Variants in LAMA2 observed in about 807,000 individuals in gnomAD.
LAMA2 encodes the protein laminin subunit alpha 2, also known as laminin subunit alpha-2.
LAMA2 carries 269 observed loss-of-function variants against 364.8 expected under a neutral mutation model. The observed-to-expected ratio is 0.74, with a 90% CI of 0.67 to 0.82. LAMA2 has a LOEUF of 0.82. Ranked by LOEUF, LAMA2 falls within the 40% of genes least tolerant of loss-of-function variation. The probability of loss-of-function intolerance (pLI) is 0.00; values close to 1 mark genes in which losing one functional copy is unlikely to be tolerated. For missense variants in LAMA2, 3,807 were observed against 3,873.2 expected (o/e 0.98, Z 0.45); for synonymous variants, 1,379 against 1,370.6 (o/e 1.01, Z -0.14).
intron 1 of LAMA2, among the ~76,000 whole-genome samples, chr6:128,904,900 T>C (rs1777325268): frequency 6.6e-6 from 1 of 152,212 alleles, no homozygotes; most frequent in Non-Finnish European, 1.5e-5. Context: ...TTAGACTTCT[T>C]GTGTATGTGT....
chr6:129,011,890 T>C (rs1029317251), intron 1 of LAMA2, among the ~76,000 whole-genome samples: 3 of 152,218 alleles, frequency 2.0e-5, no homozygotes, highest in African/African-American at 7.2e-5. Flanking sequence ...CCTATGTTTT[T>C]GATAAGTTTT....
intron 1 of LAMA2, among the ~76,000 whole-genome samples, chr6:128,971,656 A>G (rs1269797750): frequency 6.6e-6 from 1 of 152,204 alleles, no homozygotes; most frequent in Non-Finnish European, 1.5e-5. Flanking sequence ...GAAGATATCT[A>G]TGAGATGGTA....
At chr6:129,116,088 G>T (rs1776463278) in intron 4 of LAMA2, among the ~76,000 whole-genome samples, 1 of 152,032 alleles carries the variant, frequency 6.6e-6, no homozygotes, top group Admixed American at 6.6e-5. Flanking sequence ...GGAGGAAAAG[G>T]AAGAAACTAA....
chr6:129,499,579 C>G (rs1489155403), intron 58 of LAMA2, among the ~76,000 whole-genome samples: 1 of 152,100 alleles, frequency 6.6e-6, no homozygotes, highest in Admixed American at 6.5e-5. Flanking sequence ...CACTTGTTCC[C>G]CCTTTAAAAT....
At position 129,440,817 on chromosome 6, in the gene LAMA2, T is replaced by C. The variant is rs760634116; in HGVS notation, c.6087T>C (p.Asp2029=). ...TLGKLSAIPN[D]TAAKLQAVKD... ...TTTCATACCCTCATCTGCTGACAGA[T>C]ACAGCTGCTAAACTGCAAGCTGTTA... is the stretch of plus-strand genomic sequence containing the variant. Residue 2029 remains aspartate (D), a splice_region_variant and synonymous_variant, in exon 43 of 65, where the codon GAT becomes GAC. Coordinates refer to ENST00000421865, the MANE Select transcript of LAMA2 (RefSeq NM_000426.4). 6.2e-7 allele frequency: 1 copy of C among 1,613,546 alleles called. No individual in the cohort carries two copies. The highest frequency in any genetic ancestry group is 1.1e-5 in the South Asian group (1 of 91,080).
intron 1 of LAMA2, among the ~76,000 whole-genome samples, chr6:129,044,673 A>G (rs1787347834): frequency 6.6e-6 from 1 of 152,058 alleles, no homozygotes. Flanking sequence ...TTGTTCAGAC[A>G]TTGTTCCTTA....
chr6:129,210,698 T>C (rs1444068459), intron 12 of LAMA2, among the ~76,000 whole-genome samples: 1 of 152,174 alleles, frequency 6.6e-6, no homozygotes, highest in Non-Finnish European at 1.5e-5. Context: ...ACAGGGCCTG[T>C]TGGGAAGAGG....
chr6:129,449,799 CTTTTTTT>C (rs567411928), intron 45 of LAMA2, among the ~76,000 whole-genome samples: 1 of 123,178 alleles, frequency 8.1e-6, no homozygotes, highest in South Asian at 2.6e-4. Flanking sequence ...GTCTGCTACA[CTTTTTTT>C]TTTTTTTTTT....
rs56920166 is a variant in LAMA2, at chr6:129,440,964, A to G, written c.6234A>G (p.Lys2078=). Residue 2078 remains lysine (K), a synonymous_variant, in exon 43 of 65, where the codon AAA becomes AAG. Transcript: ENST00000421865. ...NYNKLADSVA[K]TNAVVKDPSK... is the part of the protein sequence containing the mutation. The stretch of plus-strand genomic sequence containing the variant: ...ATAAACTAGCAGACAGCGTCGCCAA[A>G]ACGAATGCTGTGGTTAAAGATCCTT... The G allele has an allele frequency of 2.5e-3, 4,112 of 1,613,850 alleles. 103 individuals carry two copies. The African/African-American group carries it at 0.049, about 19-fold the overall frequency.
intron 1 of LAMA2, among the ~76,000 whole-genome samples, chr6:128,920,061 C>CTT (rs1207031222): frequency 6.6e-6 from 1 of 152,174 alleles, no homozygotes; most frequent in African/African-American, 2.4e-5. Flanking sequence ...ATATCACTGT[C>CTT]TCTTTCAGTT....
chr6:129,172,671 C>G (rs1419890524), intron 9 of LAMA2, among the ~76,000 whole-genome samples: 1 of 152,246 alleles, frequency 6.6e-6, no homozygotes, highest in East Asian at 1.9e-4. Flanking sequence ...CAGAGGCAGG[C>G]AGGCCTCCTT....
At chr6:128,959,226 T>A (rs760417376) in intron 1 of LAMA2, among the ~76,000 whole-genome samples, 5 of 152,254 alleles carry the variant, frequency 3.3e-5, no homozygotes, top group Non-Finnish European at 5.9e-5. Context: ...TTCATCACAT[T>A]TGGAAATCTA....
At position 128,939,918 on chromosome 6, in the gene LAMA2, C is replaced by T. The variant is rs946462151; in HGVS notation, c.112+56561C>T. Among the ~76,000 whole-genome samples the T allele has an allele frequency of 2.0e-5, 3 of 152,076 alleles. No homozygotes were observed. In the East Asian group the frequency reaches 5.8e-4, roughly 29 times the overall value. ...AAAAACTTTCTTTCTTCTTTCTTGCCCACTCCCATCTGATCCCTTCACGGC... is the reference window on the plus strand; with the variant it reads ...AAAAACTTTCTTTCTTCTTTCTTGCTCACTCCCATCTGATCCCTTCACGGC... On this transcript the variant is annotated intron_variant, in intron 1 of 64. Coordinates refer to ENST00000421865, the MANE Select transcript of LAMA2 (RefSeq NM_000426.4).
At chr6:129,426,050 T>A (rs1021646801) in intron 40 of LAMA2, among the ~76,000 whole-genome samples, 14 of 152,288 alleles carry the variant, frequency 9.2e-5, no homozygotes, top group African/African-American at 3.4e-4. Context: ...AAATGGCCTA[T>A]ATTATCTTGA....
intron 1 of LAMA2, among the ~76,000 whole-genome samples, chr6:128,947,718 A>G (rs1021609676): frequency 6.6e-6 from 1 of 152,152 alleles, no homozygotes; most frequent in African/African-American, 2.4e-5. Flanking sequence ...TGGCTGTTAC[A>G]TATTTTTTTG....
chr6:129,510,410 G>T (rs925704120), intron 62 of LAMA2, among the ~76,000 whole-genome samples: 1 of 152,000 alleles, frequency 6.6e-6, no homozygotes, highest in Non-Finnish European at 1.5e-5. Context: ...TAAGTGAAAG[G>T]TCTCTACAAT....
intron 1 of LAMA2, among the ~76,000 whole-genome samples, chr6:128,976,680 G>A (rs1380846938): frequency 1.3e-5 from 2 of 152,162 alleles, no homozygotes; most frequent in Non-Finnish European, 2.9e-5. Flanking sequence ...AGTGAATACT[G>A]TTGACATTCC....
At chr6:129,237,405 C>T (rs1036250697) in intron 12 of LAMA2, among the ~76,000 whole-genome samples, 25 of 151,684 alleles carry the variant, frequency 1.6e-4, no homozygotes, top group African/African-American at 2.2e-4. Context: ...GGTGTGATCT[C>T]GGCTCACTGC....
chr6:129,276,009 G>A (rs1277336695), intron 17 of LAMA2, among the ~76,000 whole-genome samples: 2 of 152,108 alleles, frequency 1.3e-5, no homozygotes, highest in African/African-American at 2.4e-5. Context: ...TGATTCTCCT[G>A]AGAATAAGTA....
Sources: gnomAD v4.1 joint callset for allele counts (sites outside exome capture counted in the v4.1 genomes callset) on GRCh38, gnomAD v4.1.1 for gene constraint, MANE v1.5 for transcripts, NCBI Gene and HGNC (gene_info 2026-07-23, HGNC 2026-07-21) for gene names.